The following ARFGEF3 variants were observed in gnomAD, a reference collection of about 807,000 sequenced individuals.
The protein encoded by ARFGEF3 is ARFGEF family member 3.
ARFGEF3 carries 96 observed loss-of-function variants against 221.7 expected under a neutral mutation model. That is an observed-to-expected ratio of 0.43 (90% CI 0.37 to 0.51). The LOEUF (loss-of-function observed/expected upper bound fraction) is 0.51. Ranked by LOEUF, ARFGEF3 falls within the 20% of genes least tolerant of loss-of-function variation. The probability of loss-of-function intolerance (pLI) is 0.00; values close to 1 mark genes in which losing one functional copy is unlikely to be tolerated. For missense variants in ARFGEF3, 2,410 were observed against 2,789.9 expected (o/e 0.86, Z 3.07); for synonymous variants, 1,145 against 1,126.8 (o/e 1.02, Z -0.32).
In ARFGEF3 at chr6:138,337,508, G is replaced by A. The variant is rs983554430; in HGVS notation, c.*1022G>A. 2 of 152,482 alleles carry A rather than the reference G, an allele frequency of 1.3e-5. No individual in the cohort carries two copies. Among genetic ancestry groups the A allele is most frequent in the Admixed American group, 1.3e-4 (2 of 15,264 alleles). The allele number at this position is 152,482 out of a possible 1,614,324, so 9.4% of individuals were successfully genotyped here. ...GAAGGGAGCAGGGAGTGTGGGGTGG[G>A]GATGGATTATGATGAAATCATTTTC... On this transcript the variant is annotated 3_prime_UTR_variant, in exon 34 of 34. Transcript: ENST00000251691.
In ARFGEF3 at chr6:138,319,278, T is replaced by TAA. The variant is rs371788391; in HGVS notation, c.4475-411_4475-410dup. ...GCTCTAACAAACACTATTGTTAAGT[T>TAA]AAAAAAAAAAAAAAATGAGTATGCA... On this transcript the variant is annotated intron_variant, in intron 27 of 33. Transcript: ENST00000251691. 1.1e-3 allele frequency among the ~76,000 whole-genome samples: 154 copies of TAA among 142,620 alleles called. 4 individuals carry two copies. The East Asian group carries it at 0.02, about 19-fold the overall frequency. 93.6% of individuals were successfully genotyped at this position (142,620 alleles called of 152,430 possible).
intron 3 of ARFGEF3, among the ~76,000 whole-genome samples, chr6:138,209,487 T>C (rs1777681378): frequency 6.6e-6 from 1 of 152,198 alleles, no homozygotes; most frequent in Admixed American, 6.5e-5. Flanking sequence ...TCTTGCTCTG[T>C]CTCCCAGGCT....
At chr6:138,311,353 A>T (rs887522610) in intron 24 of ARFGEF3, 54 bp from the exon 25 acceptor site, 5 of 1,126,468 alleles carry the variant, frequency 4.4e-6, no homozygotes, top group Non-Finnish European at 1.3e-6. Context: ...CTCCTGTTAC[A>T]GGGGGGCACG....
intron 14 of ARFGEF3, among the ~76,000 whole-genome samples, chr6:138,285,320 G>A (rs1046054661): frequency 8.6e-5 from 13 of 151,918 alleles, no homozygotes; most frequent in African/African-American, 3.1e-4. Flanking sequence ...GCATGGTGGT[G>A]GGCACCTGTA....
intron 3 of ARFGEF3, 32 bp from the exon 4 acceptor site, chr6:138,209,878 A>G (rs1343038705): frequency 1.2e-6 from 2 of 1,611,200 alleles, no homozygotes. Flanking sequence ...GGGAGAGCCT[A>G]TCTGTGATCA....
chr6:138,260,135 A>G (rs1778761121), intron 10 of ARFGEF3, among the ~76,000 whole-genome samples: 1 of 152,144 alleles, frequency 6.6e-6, no homozygotes, highest in South Asian at 2.1e-4. Context: ...AGAGAGAGGG[A>G]AAGAGAGAGC....
At chr6:138,206,705 T>C (rs1454195972) in intron 2 of ARFGEF3, among the ~76,000 whole-genome samples, 1 of 152,144 alleles carries the variant, frequency 6.6e-6, no homozygotes, top group African/African-American at 2.4e-5. Flanking sequence ...GTGTGCTGGG[T>C]GTGAGCAGTG....
chr6:138,293,573 A>G (rs1779452443), intron 19 of ARFGEF3, among the ~76,000 whole-genome samples: 1 of 152,210 alleles, frequency 6.6e-6, no homozygotes, highest in Non-Finnish European at 1.5e-5. Flanking sequence ...TTCCAGCATT[A>G]TACTCATAAA....
intron 2 of ARFGEF3, among the ~76,000 whole-genome samples, chr6:138,202,223 G>A (rs928572263): frequency 9.2e-5 from 14 of 152,144 alleles, no homozygotes; most frequent in South Asian, 4.1e-4. Flanking sequence ...TTCCCAATGA[G>A]GCAGCATCTA....
At chr6:138,221,798 G>T (rs918834710) in intron 4 of ARFGEF3, among the ~76,000 whole-genome samples, 1 of 152,100 alleles carries the variant, frequency 6.6e-6, no homozygotes, top group Non-Finnish European at 1.5e-5. Context: ...CCCGTGACAT[G>T]ACCATAAACC....
chr6:138,175,475 C>A (rs77120093), intron 2 of ARFGEF3, among the ~76,000 whole-genome samples: 1 of 152,120 alleles, frequency 6.6e-6, no homozygotes, highest in African/African-American at 2.4e-5. Flanking sequence ...ATCCCTACAC[C>A]GAAGAAGCCA....
At chr6:138,294,195 G>T in intron 20 of ARFGEF3, 69 bp downstream of exon 20, 1 of 1,509,334 alleles carries the variant, frequency 6.6e-7, no homozygotes, top group South Asian at 1.2e-5. Context: ...TCTATCACCA[G>T]CAGCGTGCCT....
intron 4 of ARFGEF3, among the ~76,000 whole-genome samples, chr6:138,213,720 A>T (rs1159321495): frequency 2.6e-5 from 4 of 152,092 alleles, no homozygotes; most frequent in African/African-American, 9.7e-5. Flanking sequence ...GATAGGAAAC[A>T]TACCATTATT....
At chr6:138,327,230 G>A (rs1355005452) in intron 31 of ARFGEF3, among the ~76,000 whole-genome samples, 2 of 152,080 alleles carry the variant, frequency 1.3e-5, no homozygotes, top group African/African-American at 4.8e-5. Context: ...TAAGAAACCT[G>A]TACATCCTGC....
At chr6:138,215,480 A>G (rs1777824033) in intron 4 of ARFGEF3, among the ~76,000 whole-genome samples, 1 of 152,172 alleles carries the variant, frequency 6.6e-6, no homozygotes, top group Non-Finnish European at 1.5e-5. Flanking sequence ...ACAGGGGCTT[A>G]TCATTTAACA....
rs540237147 is a variant in ARFGEF3, at chr6:138,214,375, A to G, written c.351+4334A>G. 4.6e-5 allele frequency among the ~76,000 whole-genome samples: 7 copies of G among 152,352 alleles called. No individual in the cohort carries two copies. The East Asian group carries it at 5.8e-4, about 13-fold the overall frequency. ...TATAAAAATCTTCCAGTCATTTTATATAAGTATTTTGTAGGCACAGAAAAC... is the reference window on the plus strand; with the variant it reads ...TATAAAAATCTTCCAGTCATTTTATGTAAGTATTTTGTAGGCACAGAAAAC... On this transcript the variant is annotated intron_variant, in intron 4 of 33. Coordinates refer to ENST00000251691, the MANE Select transcript of ARFGEF3 (RefSeq NM_020340.5).
At chr6:138,169,266 T>C (rs1249559310) in intron 1 of ARFGEF3, among the ~76,000 whole-genome samples, 1 of 152,154 alleles carries the variant, frequency 6.6e-6, no homozygotes. Flanking sequence ...TGCAGGCCAT[T>C]TTCTCCTTGA....
chr6:138,330,597 G>A (rs568827346), intron 32 of ARFGEF3, among the ~76,000 whole-genome samples: 1 of 152,234 alleles, frequency 6.6e-6, no homozygotes, highest in South Asian at 2.1e-4. Context: ...TTGAACCCAG[G>A]AGGCAGAGGT....
At chr6:138,166,377 C>T (rs1776723019) in intron 1 of ARFGEF3, among the ~76,000 whole-genome samples, 1 of 152,194 alleles carries the variant, frequency 6.6e-6, no homozygotes, top group Non-Finnish European at 1.5e-5. Context: ...GAGTCTTTCC[C>T]TTTGCAAAAG....
Sources: gnomAD v4.1 joint callset for allele counts (sites outside exome capture counted in the v4.1 genomes callset) on GRCh38, gnomAD v4.1.1 for gene constraint, MANE v1.5 for transcripts, NCBI Gene and HGNC (gene_info 2026-07-23, HGNC 2026-07-21) for gene names.